Variants in MAP4K5 observed in about 807,000 individuals in gnomAD.
The protein encoded by MAP4K5 is MAPK/ERK kinase kinase kinase 5.
In MAP4K5, 82 loss-of-function variants were observed where a neutral mutation model predicts 135.6. The observed-to-expected ratio is 0.60, with a 90% CI of 0.51 to 0.73. The LOEUF (loss-of-function observed/expected upper bound fraction) is 0.73, where lower values mean the gene tolerates loss of function less well. Ranked by LOEUF, MAP4K5 falls within the 30% of genes least tolerant of loss-of-function variation. MAP4K5 has a pLI of 0.00. For missense variants in MAP4K5, 907 were observed against 1,010.9 expected (o/e 0.90, Z 1.39); for synonymous variants, 347 against 335.0 (o/e 1.04, Z -0.39).
In MAP4K5 at chr14:50,468,641, A is replaced by T. The variant is rs1453533397; in HGVS notation, c.674+10T>A. 1 of 1,612,734 alleles carries T rather than the reference A, an allele frequency of 6.2e-7. No homozygotes were observed. The highest frequency in any genetic ancestry group is 1.7e-5 in the Admixed American group (1 of 59,948). On this transcript the variant is annotated intron_variant, in intron 10 of 32. Coordinates refer to ENST00000682126, the MANE Select transcript of MAP4K5 (RefSeq NM_006575.6). Reference sequence around the variant, plus strand: ...ATCAATAACTGGATAATTATAAATAATGAGAACACCTCATTGGGTGGAGAT... The same window carrying T: ...ATCAATAACTGGATAATTATAAATATTGAGAACACCTCATTGGGTGGAGAT...
At chr14:50,502,305 G>A (rs2037722949) in intron 3 of MAP4K5, among the ~76,000 whole-genome samples, 1 of 152,164 alleles carries the variant, frequency 6.6e-6, no homozygotes, top group Non-Finnish European at 1.5e-5. Context: ...TTCTATGTAT[G>A]TCCGTATAGT....
At position 50,464,062 on chromosome 14, in the gene MAP4K5, C is replaced by A. The variant is rs1286875679; in HGVS notation, c.809G>T (p.Arg270Ile). The change falls in exon 12 of 33, where the codon AGA becomes ATA. Residue 270 changes from arginine to isoleucine, a missense_variant. Around this residue, in one of 3 missense-constraint regions of MAP4K5, gnomAD observed 690 missense variants for 777.4 expected, o/e 0.89. Transcript: ENST00000682126. The stretch of plus-strand genomic sequence containing the variant: ...ATTTCAATGACTTACAGTCAGAAGT[C>A]TTTCAGCAGTTGGTCTTTTTTTTGG... ...KNPKKRPTAE[R>I]LLTHTFVAQP... 6.5e-7 allele frequency: 1 copy of A among 1,540,690 alleles called. No individual in the cohort carries two copies. The highest frequency in any genetic ancestry group is 1.2e-5 in the South Asian group (1 of 83,826).
At chr14:50,539,883 G>A (rs2038539024) in intron 2 of MAP4K5, among the ~76,000 whole-genome samples, 1 of 152,240 alleles carries the variant, frequency 6.6e-6, no homozygotes, top group Admixed American at 6.5e-5. Context: ...CTGGCATACT[G>A]TAGAAGAAAG....
chr14:50,481,058 CTT>C lies in MAP4K5; in HGVS notation c.378+1301_378+1302del, dbSNP rs372846559. On this transcript the variant is annotated intron_variant, in intron 6 of 32. Transcript: ENST00000682126. ...TACCAGCGCCAGAGTGCAAATTCGA[CTT>C]TGTTTTTTTTTTTTATTTTTTCACC... Among the ~76,000 whole-genome samples, 28 of 150,440 alleles carry C rather than the reference CTT, an allele frequency of 1.9e-4. No homozygotes were observed. The East Asian group carries it at 4.3e-3, about 23-fold the overall frequency.
At chr14:50,485,520 C>T (rs969115305) in intron 5 of MAP4K5, 58 bp downstream of exon 5, 61 of 1,108,820 alleles carry the variant, frequency 5.5e-5, no homozygotes, top group African/African-American at 9.5e-5. Flanking sequence ...CTGGAAATAT[C>T]GAACAACAAT....
intron 3 of MAP4K5, among the ~76,000 whole-genome samples, chr14:50,496,512 C>A (rs1009191187): frequency 5.9e-5 from 9 of 151,558 alleles, no homozygotes; most frequent in African/African-American, 1.9e-4. Flanking sequence ...ATATATATTT[C>A]TTTCTTTCTT....
chr14:50,456,429 T>C lies in MAP4K5; in HGVS notation c.1015+87A>G, dbSNP rs955733624. 112 of 1,031,674 alleles carry C rather than the reference T, an allele frequency of 1.1e-4. 1 individual carries two copies. The highest frequency in any genetic ancestry group is 2.0e-4 in the Middle Eastern group (1 of 5,018). The allele number at this position is 1,031,674 out of a possible 1,614,324, so 63.9% of individuals were successfully genotyped here. ...TATGTTGAAGTATGTAGCCTTAGTCTGAAATTTTATTATTCTACAAAACAT... is the reference window on the plus strand; with the variant it reads ...TATGTTGAAGTATGTAGCCTTAGTCCGAAATTTTATTATTCTACAAAACAT... On this transcript the variant is annotated intron_variant, in intron 14 of 32. Coordinates refer to ENST00000682126, the MANE Select transcript of MAP4K5 (RefSeq NM_006575.6).
At chr14:50,493,353 T>C (rs80133703) in intron 3 of MAP4K5, among the ~76,000 whole-genome samples, 1,765 of 152,316 alleles carry the variant, frequency 0.012, 33 homozygotes, top group African/African-American at 0.04. Context: ...TTTCCAGTCC[T>C]GTAAGTACTA....
At chr14:50,477,276 G>T (rs369194339) in intron 6 of MAP4K5, among the ~76,000 whole-genome samples, 1 of 151,968 alleles carries the variant, frequency 6.6e-6, no homozygotes, top group South Asian at 2.1e-4. Context: ...CAGATTGTCC[G>T]TTGCTAGTAT....
Position 50,532,174 on chromosome 14 carries a change from G to C in MAP4K5, c.-109-16C>G. On this transcript the variant is annotated splice_polypyrimidine_tract_variant and intron_variant, in intron 1 of 32. Coordinates refer to ENST00000682126, the MANE Select transcript of MAP4K5 (RefSeq NM_006575.6). ...GCAGCTCCGTCTGCACGAGGGACGA[G>C]CAAAGGCTGGTTGGCGTCGCAGGCT... 2 of 643,258 alleles carry C rather than the reference G, an allele frequency of 3.1e-6. No individual in the cohort carries two copies. The highest frequency in any genetic ancestry group is 3.8e-5 in the South Asian group (2 of 52,048). The allele number at this position is 643,258 out of a possible 1,614,324, so 39.8% of individuals were successfully genotyped here.
intron 23 of MAP4K5, among the ~76,000 whole-genome samples, chr14:50,438,765 A>C (rs947573401): frequency 1.3e-5 from 2 of 152,158 alleles, no homozygotes; most frequent in South Asian, 4.1e-4. Context: ...TATTCTGCCT[A>C]AACATTAAAC....
intron 3 of MAP4K5, among the ~76,000 whole-genome samples, chr14:50,487,146 T>C (rs1305476530): frequency 1.3e-5 from 2 of 152,106 alleles, no homozygotes; most frequent in East Asian, 1.9e-4. Context: ...ATCTATTTAG[T>C]TTCATACAAA....
intron 3 of MAP4K5, among the ~76,000 whole-genome samples, chr14:50,491,210 T>G (rs2037476985): frequency 2.6e-5 from 4 of 152,112 alleles, no homozygotes; most frequent in African/African-American, 9.7e-5. Context: ...ATCACACCCC[T>G]CCTTCCAAAA....
chr14:50,528,000 T>G (rs1472613989), intron 2 of MAP4K5, among the ~76,000 whole-genome samples: 1 of 152,166 alleles, frequency 6.6e-6, no homozygotes, highest in Non-Finnish European at 1.5e-5. Context: ...TATAGATCCT[T>G]GTGGTCAGAG....
intron 2 of MAP4K5, 100 bp from the exon 3 acceptor site, chr14:50,504,957 AT>A: frequency 1.5e-6 from 1 of 676,728 alleles, no homozygotes. Context: ...CCATACTTTT[AT>A]CAAAACTAAA....
chr14:50,455,208 A>G (rs1379402986), intron 14 of MAP4K5, among the ~76,000 whole-genome samples: 2 of 152,038 alleles, frequency 1.3e-5, no homozygotes, highest in Non-Finnish European at 2.9e-5. Flanking sequence ...CAAATAATGT[A>G]TATCAGGTTT....
chr14:50,429,892 G>A (rs1475173518), intron 28 of MAP4K5, among the ~76,000 whole-genome samples: 1 of 152,138 alleles, frequency 6.6e-6, no homozygotes, highest in African/African-American at 2.4e-5. Context: ...GCTGATAGAT[G>A]TAATAACATT....
Position 50,444,320 on chromosome 14 carries a change from C to A in MAP4K5, c.1340-284G>T, listed in dbSNP as rs377509850. 1.7e-4 allele frequency among the ~76,000 whole-genome samples: 26 copies of A among 152,260 alleles called. No homozygotes were observed. The South Asian group carries it at 5.0e-3, about 29-fold the overall frequency. On this transcript the variant is annotated intron_variant, in intron 18 of 32. Coordinates refer to ENST00000682126, the MANE Select transcript of MAP4K5 (RefSeq NM_006575.6). ...AGGCTTTTTATAATTGAACTTCAAT[C>A]CACCTTTTCAGTTGTATCTTCCAGT...
chr14:50,439,771 A>G (rs1241706418), intron 23 of MAP4K5, among the ~76,000 whole-genome samples: 3 of 152,100 alleles, frequency 2.0e-5, no homozygotes, highest in Non-Finnish European at 4.4e-5. Context: ...AGTGATAAGC[A>G]CTGTGATACC....
Sources: gnomAD v4.1 joint callset for allele counts (sites outside exome capture counted in the v4.1 genomes callset) on GRCh38, gnomAD v4.1.1 for gene constraint, gnomAD v4.1.1 regional missense constraint, MANE v1.5 for transcripts, NCBI Gene and HGNC (gene_info 2026-07-23, HGNC 2026-07-21) for gene names.